The following FRMD4A variants were observed in gnomAD, a reference collection of about 807,000 sequenced individuals.
The protein encoded by FRMD4A is FERM domain-containing protein 4A.
Under a neutral mutation model 129.1 loss-of-function variants are expected in FRMD4A, and 29 were observed. The observed-to-expected ratio is 0.22, with a 90% CI of 0.17 to 0.31. FRMD4A has a LOEUF of 0.31. Ranked by LOEUF, FRMD4A falls within the 10% of genes least tolerant of loss-of-function variation. The probability of loss-of-function intolerance (pLI) is 1.00; values close to 1 mark genes in which losing one functional copy is unlikely to be tolerated. For synonymous variants in FRMD4A, 634 were observed against 571.6 expected, an observed-to-expected ratio of 1.11 and a Z score of -1.56; for missense variants, 1,272 against 1,375.8, an observed-to-expected ratio of 0.92 and a Z score of 1.19.
rs1193036238 is a variant in FRMD4A, at chr10:13,660,325, C to T, written c.1889G>A (p.Ser630Asn). 2.5e-6 allele frequency: 4 copies of T among 1,608,376 alleles called. No homozygotes were observed. Among genetic ancestry groups the T allele is most frequent in the Non-Finnish European group, 3.4e-6 (4 of 1,174,796 alleles). The change falls in exon 20 of 25, where the codon AGC becomes AAC. Residue 630 changes from serine to asparagine, a missense_variant. Physicochemically the swap from Ser to Asn is conservative, Grantham distance 46. Coordinates refer to ENST00000357447, the MANE Select transcript of FRMD4A (RefSeq NM_018027.5). ...TCACGATGCAGCTCACCTGGAATGG[C>T]TGTGAGAGGAGCGCTTCTTGACCTT... ...YEKVKKRSSH[S>N]HSSSHKRFPS...
chr10:14,089,762 G>A (rs7893591), intron 2 of FRMD4A, among the ~76,000 whole-genome samples: 18,689 of 152,174 alleles, frequency 0.12, 1,587 homozygotes, highest in African/African-American at 0.23. Context: ...ACAGTGTGGA[G>A]TTATCAGATG....
chr10:14,283,286 T>C (rs193221316), intron 2 of FRMD4A, among the ~76,000 whole-genome samples: 3 of 152,352 alleles, frequency 2.0e-5, no homozygotes, highest in East Asian at 1.9e-4. Context: ...TGGTTTTGAA[T>C]TGGAATGACT....
chr10:13,984,002 C>CAA (rs758118474), intron 2 of FRMD4A, among the ~76,000 whole-genome samples: 15 of 141,876 alleles, frequency 1.1e-4, no homozygotes, highest in African/African-American at 3.6e-4. Context: ...GACTCTGTCT[C>CAA]AAAAAAAAAA....
intron 3 of FRMD4A, among the ~76,000 whole-genome samples, chr10:13,819,046 T>G (rs1041746753): frequency 6.6e-5 from 10 of 152,160 alleles, no homozygotes; most frequent in African/African-American, 2.2e-4. Context: ...GAGAATCGCT[T>G]GAACCTAGGA....
At chr10:14,041,568 G>C (rs1434577667) in intron 2 of FRMD4A, among the ~76,000 whole-genome samples, 1 of 152,202 alleles carries the variant, frequency 6.6e-6, no homozygotes, top group Non-Finnish European at 1.5e-5. Flanking sequence ...ACCCAAAACA[G>C]ATGAGTCCAT....
intron 2 of FRMD4A, among the ~76,000 whole-genome samples, chr10:14,185,618 A>T (rs373989404): frequency 2.1e-4 from 17 of 80,722 alleles, no homozygotes; most frequent in East Asian, 1.3e-3. Flanking sequence ...CAGAAAGGGG[A>T]TATATACTTC....
chr10:14,093,963 AACAGCTTTCACCAG>A (rs1836798745), intron 2 of FRMD4A, among the ~76,000 whole-genome samples: 1 of 152,244 alleles, frequency 6.6e-6, no homozygotes, highest in South Asian at 2.1e-4. Context: ...TTTAAAAGAC[AACAGCTTTCACCAG>A]TGACTTGCCT....
chr10:14,325,351 T>C (rs935508309), intron 2 of FRMD4A, among the ~76,000 whole-genome samples: 1 of 152,202 alleles, frequency 6.6e-6, no homozygotes, highest in African/African-American at 2.4e-5. Flanking sequence ...CCAACTGGCC[T>C]TTCTGATCTT....
chr10:13,858,864 G>A lies in FRMD4A; in HGVS notation c.94C>T (p.Leu32=), dbSNP rs776417612. ...CGATTTACCTGTACTAGGAGTTCCAGCTTCCTGTCATCAAGAAGATGTACT... is the reference window on the plus strand; with the variant it reads ...CGATTTACCTGTACTAGGAGTTCCAACTTCCTGTCATCAAGAAGATGTACT... ...CQVHLLDDRK[L]ELLVQPKLLA... is the part of the protein sequence containing the mutation. The change falls in exon 3 of 25, where the codon CTG becomes TTG. Residue 32 remains leucine, a synonymous_variant. Coordinates refer to ENST00000357447, the MANE Select transcript of FRMD4A (RefSeq NM_018027.5). 7 of 1,603,422 alleles carry A rather than the reference G, an allele frequency of 4.4e-6. No homozygotes were observed. The Admixed American group carries it at 8.3e-5, about 19-fold the overall frequency.
chr10:13,752,212 T>C (rs1190128242), intron 8 of FRMD4A, among the ~76,000 whole-genome samples: 1 of 152,224 alleles, frequency 6.6e-6, no homozygotes, highest in Admixed American at 6.5e-5. Flanking sequence ...TTAGTGGTGT[T>C]TTTTTCTTTG....
chr10:13,767,502 G>A (rs2130723170), intron 6 of FRMD4A, among the ~76,000 whole-genome samples: 1 of 152,324 alleles, frequency 6.6e-6, no homozygotes, highest in East Asian at 1.9e-4. Context: ...GCTTCCCAAA[G>A]TGCTGGGATT....
intron 6 of FRMD4A, among the ~76,000 whole-genome samples, chr10:13,765,770 T>A (rs1341086352): frequency 2.0e-5 from 3 of 152,190 alleles, no homozygotes; most frequent in African/African-American, 7.2e-5. Context: ...ATGTAAATCA[T>A]TTAACAGTGT....
chr10:14,296,506 G>A (rs1218468), intron 2 of FRMD4A, among the ~76,000 whole-genome samples: 80,102 of 151,898 alleles, frequency 0.53, 22,191 homozygotes, highest in African/African-American at 0.71. Context: ...GCCCTCAGGT[G>A]TCAGCTGGCT....
chr10:13,990,283 C>T (rs569568655), intron 2 of FRMD4A, among the ~76,000 whole-genome samples: 1 of 152,198 alleles, frequency 6.6e-6, no homozygotes, highest in Non-Finnish European at 1.5e-5. Context: ...AGTAACTTCC[C>T]TCTCTGCCTG....
Position 14,128,007 on chromosome 10 carries a change from T to TTCCTTC in FRMD4A, c.45+202050_45+202051insGAAGGA, listed in dbSNP as rs1564319699. Among the ~76,000 whole-genome samples the TTCCTTC allele has an allele frequency of 5.9e-4, 56 of 95,726 alleles. 2 individuals are homozygous for TTCCTTC. The highest frequency in any genetic ancestry group is 1.4e-3 in the African/African-American group (32 of 22,724). The allele number at this position is 95,726 out of a possible 152,430, so 62.8% of individuals were successfully genotyped here. On this transcript the variant is annotated intron_variant, in intron 2 of 24. Coordinates refer to ENST00000357447, the MANE Select transcript of FRMD4A (RefSeq NM_018027.5). ...CTCTCTCTCTCTCTCTCTCTTTCTT[T>TTCCTTC]CTTTCTTCCTTCCTTCCTTCCTTCC...
chr10:14,162,777 A>G (rs1192996033), intron 2 of FRMD4A, among the ~76,000 whole-genome samples: 1 of 151,458 alleles, frequency 6.6e-6, no homozygotes, highest in Non-Finnish European at 1.5e-5. Flanking sequence ...AGGTCAAGCT[A>G]TGCACAGCAT....
In FRMD4A at chr10:13,901,153, C is replaced by G. The variant is rs553262020; in HGVS notation, c.46-42241G>C. 1.7e-4 allele frequency among the ~76,000 whole-genome samples: 26 copies of G among 152,294 alleles called. 1 individual carries two copies. The South Asian group carries it at 5.4e-3, about 32-fold the overall frequency. On this transcript the variant is annotated intron_variant, in intron 2 of 24. Coordinates refer to ENST00000357447, the MANE Select transcript of FRMD4A (RefSeq NM_018027.5). The stretch of plus-strand genomic sequence containing the variant: ...AACTCAGGCAGTCTGATTCCAGAGC[C>G]GGTGCTCTCAACCCTAAGGTGTGTT...
At chr10:13,904,724 A>G (rs2094860948) in intron 2 of FRMD4A, among the ~76,000 whole-genome samples, 1 of 152,176 alleles carries the variant, frequency 6.6e-6, no homozygotes, top group Admixed American at 6.5e-5. Context: ...TGATGGTAGA[A>G]AGCAGCGTTT....
intron 6 of FRMD4A, among the ~76,000 whole-genome samples, chr10:13,781,368 CTTTTTTTTTTTT>C (rs1161094661): frequency 4.2e-5 from 3 of 70,708 alleles, no homozygotes; most frequent in African/African-American, 5.6e-5. Context: ...ATGGATGAAC[CTTTTTTTTTTTT>C]TTTTTTTTTT....
Sources: allele counts gnomAD v4.1 joint callset (sites outside exome capture counted in the v4.1 genomes callset), GRCh38; gene constraint gnomAD v4.1.1; transcripts MANE v1.5; gene names NCBI Gene and HGNC (gene_info 2026-07-23, HGNC 2026-07-21).